The following CPB2 variants were observed in gnomAD, a reference collection of about 807,000 sequenced individuals.
The protein encoded by CPB2 is carboxypeptidase B2.
CPB2 carries 54 observed loss-of-function variants against 57.0 expected under a neutral mutation model. That is an observed-to-expected ratio of 0.95 (90% CI 0.76 to 1.19). The LOEUF (loss-of-function observed/expected upper bound fraction) is 1.19. Among genes scored for constraint, CPB2 ranks in the 50% most tolerant of loss-of-function variants. The pLI is 0.00. For synonymous variants in CPB2, 189 were observed against 178.1 expected (o/e 1.06, Z -0.49); for missense variants, 426 against 512.0 (o/e 0.83, Z 1.62).
intron 9 of CPB2, among the ~76,000 whole-genome samples, chr13:46,057,734 G>A (rs3783202): frequency 0.79 from 119,820 of 152,154 alleles, 47,529 homozygotes; most frequent in African/African-American, 0.87. Flanking sequence ...CTGAGGGTTA[G>A]GGAAGTCAGG....
At chr13:46,088,732 G>A (rs185744001) in intron 1 of CPB2, among the ~76,000 whole-genome samples, 1 of 152,086 alleles carries the variant, frequency 6.6e-6, no homozygotes, top group East Asian at 1.9e-4. Flanking sequence ...TTGTGATTTT[G>A]ATTTTCATTT....
chr13:46,102,545 A>C (rs1248608783), intron 1 of CPB2, among the ~76,000 whole-genome samples: 1 of 91,354 alleles, frequency 1.1e-5, no homozygotes, highest in Non-Finnish European at 2.8e-5. Context: ...TATGACAAAA[A>C]AAAAAAAAAA....
chr13:46,064,124 G>A (rs899848015), intron 8 of CPB2, among the ~76,000 whole-genome samples: 2 of 151,958 alleles, frequency 1.3e-5, no homozygotes, highest in Admixed American at 6.5e-5. Flanking sequence ...AGCCAGGCAC[G>A]GTGGCATATG....
intron 4 of CPB2, among the ~76,000 whole-genome samples, chr13:46,080,686 T>G (rs2045099029): frequency 6.6e-6 from 1 of 152,032 alleles, no homozygotes; most frequent in African/African-American, 2.4e-5. Flanking sequence ...AAAGGTCATA[T>G]GAGGCTGGGC....
intron 1 of CPB2, among the ~76,000 whole-genome samples, chr13:46,091,776 A>G (rs904433356): frequency 1.3e-5 from 2 of 152,262 alleles, no homozygotes; most frequent in African/African-American, 2.4e-5. Context: ...ATGTGACTCA[A>G]CATGAATTTA....
chr13:46,066,381 T>A (rs1192061023), intron 7 of CPB2, among the ~76,000 whole-genome samples: 1 of 151,952 alleles, frequency 6.6e-6, no homozygotes, highest in African/African-American at 2.4e-5. Context: ...CAAATCCTGA[T>A]AATGGGAAAC....
At chr13:46,054,287 A>G (rs1012139346) in intron 10 of CPB2, among the ~76,000 whole-genome samples, 1 of 152,082 alleles carries the variant, frequency 6.6e-6, no homozygotes, top group African/African-American at 2.4e-5. Context: ...TCATTTGTCT[A>G]CTTGGTTCAT....
At chr13:46,064,797 A>C in intron 7 of CPB2, 56 bp from the exon 8 acceptor site, 1 of 1,376,590 alleles carries the variant, frequency 7.3e-7, no homozygotes, top group Non-Finnish European at 1.0e-6. Context: ...AGGCCTGAGG[A>C]AAGACATGCA....
rs182417341 is a variant in CPB2 at position 46,053,389 on chromosome 13, T to G, written c.*225A>C. ...CAAACGTCGAAAATCAAAGAAAAAG[T>G]AGGTAACTAGACTTTTACAATTTTT... On this transcript the variant is annotated 3_prime_UTR_variant, in exon 11 of 11. Transcript: ENST00000181383. The G allele has an allele frequency of 5.2e-5, 26 of 504,552 alleles. No individual in the cohort carries two copies. Among genetic ancestry groups the G allele is most frequent in the African/African-American group, 5.1e-4 (26 of 51,462 alleles). 31.3% of individuals were successfully genotyped at this position (504,552 alleles called of 1,614,324 possible).
chr13:46,093,801 G>A (rs925341629), intron 1 of CPB2, among the ~76,000 whole-genome samples: 48 of 152,266 alleles, frequency 3.2e-4, no homozygotes, highest in Middle Eastern at 6.8e-3. Flanking sequence ...CTTTTTAAAA[G>A]AAAGGTTTCT....
chr13:46,086,917 G>T (rs1221644737), intron 2 of CPB2, among the ~76,000 whole-genome samples: 1 of 152,226 alleles, frequency 6.6e-6, no homozygotes, highest in Non-Finnish European at 1.5e-5. Context: ...CAACACCTAG[G>T]CTCAGCCTCA....
intron 9 of CPB2, 105 bp downstream of exon 9, chr13:46,058,074 C>G: frequency 1.2e-6 from 1 of 853,442 alleles, no homozygotes; most frequent in Admixed American, 2.1e-5. Flanking sequence ...AAACATCTAT[C>G]ATTTGCCTTC....
chr13:46,087,742 T>C lies in CPB2; in HGVS notation c.150+3A>G, dbSNP rs1180857062. On this transcript the variant is annotated splice_donor_region_variant and intron_variant, in intron 2 of 10. Transcript: ENST00000181383. ...ATATAAACATAAATTAGGGAGAAATTACCTCATATGTTGTAGTAAGATTCT... is the reference window on the plus strand; with the variant it reads ...ATATAAACATAAATTAGGGAGAAATCACCTCATATGTTGTAGTAAGATTCT... 4 of 1,591,554 alleles carry C rather than the reference T, an allele frequency of 2.5e-6. 1 individual carries two copies. In the South Asian group the frequency reaches 4.5e-5, roughly 18 times the overall value.
rs1396302127 is a variant in CPB2, at chr13:46,053,392, GTAAC to G, written c.*218_*221del. On this transcript the variant is annotated 3_prime_UTR_variant, in exon 11 of 11. Coordinates refer to ENST00000181383, the MANE Select transcript of CPB2 (RefSeq NM_001872.5). ...ACGTCGAAAATCAAAGAAAAAGTAG[GTAAC>G]TAGACTTTTACAATTTTTTTTAAAG... 1.9e-6 allele frequency: 1 copy of G among 529,082 alleles called. No individual in the cohort carries two copies. Among genetic ancestry groups the G allele is most frequent in the African/African-American group, 1.9e-5 (1 of 51,946 alleles). 32.8% of individuals were successfully genotyped at this position (529,082 alleles called of 1,614,324 possible).
At chr13:46,067,645 A>G (rs1183273350) in intron 6 of CPB2, among the ~76,000 whole-genome samples, 2 of 152,192 alleles carry the variant, frequency 1.3e-5, no homozygotes, top group Admixed American at 1.3e-4. Flanking sequence ...AGACAATCGA[A>G]CCATAAACTT....
At chr13:46,092,106 AT>A (rs2045302209) in intron 1 of CPB2, among the ~76,000 whole-genome samples, 1 of 152,186 alleles carries the variant, frequency 6.6e-6, no homozygotes, top group Non-Finnish European at 1.5e-5. Flanking sequence ...ATGACGATAG[AT>A]ATATTTTAAA....
intron 9 of CPB2, among the ~76,000 whole-genome samples, chr13:46,057,381 A>ATATTT (rs1169873302): frequency 6.6e-6 from 1 of 152,200 alleles, no homozygotes; most frequent in Non-Finnish European, 1.5e-5. Context: ...TAATGTGACT[A>ATATTT]TATTTTATTC....
intron 3 of CPB2, 131 bp from the exon 4 acceptor site, chr13:46,082,680 G>A: frequency 3.6e-6 from 2 of 549,286 alleles, no homozygotes; most frequent in Admixed American, 3.0e-5. Flanking sequence ...ATTTCATCAA[G>A]GTAAAAGTAA....
chr13:46,091,562 G>T (rs1430561483), intron 1 of CPB2, among the ~76,000 whole-genome samples: 4 of 152,188 alleles, frequency 2.6e-5, no homozygotes, highest in African/African-American at 9.7e-5. Context: ...ATGAATAAGT[G>T]TGGATTTTAA....
Sources: allele counts gnomAD v4.1 joint callset (sites outside exome capture counted in the v4.1 genomes callset), GRCh38; gene constraint gnomAD v4.1.1; transcripts MANE v1.5; gene names NCBI Gene and HGNC (gene_info 2026-07-23, HGNC 2026-07-21).